Variants in CNTLN observed in about 807,000 individuals in gnomAD.
CNTLN encodes the protein centlein, also known as centlein, centrosomal protein.
In CNTLN, 212 loss-of-function variants were observed where a neutral mutation model predicts 180.0. The ratio of observed to expected loss-of-function variants is 1.18; its 90% CI spans 1.05 to 1.32. CNTLN has a LOEUF of 1.32. Ranked by LOEUF, CNTLN falls within the 40% of genes most tolerant of loss-of-function variation. The pLI is 0.00. For missense variants in CNTLN, 2,095 were observed against 1,610.9 expected, an observed-to-expected ratio of 1.30 and a Z score of -5.14; for synonymous variants, 722 against 563.1, an observed-to-expected ratio of 1.28 and a Z score of -3.99.
intron 8 of CNTLN, among the ~76,000 whole-genome samples, chr9:17,318,241 A>G (rs201212887): frequency 2.0e-4 from 31 of 151,856 alleles, no homozygotes; most frequent in African/African-American, 4.8e-4. Context: ...GTGTTAGCCA[A>G]GATGGTCTCG....
chr9:17,361,423 C>T (rs1297417768), intron 12 of CNTLN, among the ~76,000 whole-genome samples: 1 of 152,174 alleles, frequency 6.6e-6, no homozygotes, highest in Non-Finnish European at 1.5e-5. Context: ...TGACTGGTCG[C>T]AACTCAAATG....
At chr9:17,247,492 C>G (rs926610702) in intron 5 of CNTLN, among the ~76,000 whole-genome samples, 2 of 152,200 alleles carry the variant, frequency 1.3e-5, no homozygotes, top group African/African-American at 4.8e-5. Context: ...CACCATGCAG[C>G]TACTGTTGGG....
the CNTLN span, among the ~76,000 whole-genome samples, chr9:17,513,938 G>C: frequency 6.6e-6 from 1 of 152,130 alleles, no homozygotes; most frequent in African/African-American, 2.4e-5. Flanking sequence ...AATTGTGAAA[G>C]AATAGGTACA....
chr9:17,462,927 T>G lies in CNTLN; in HGVS notation c.3318T>G (p.Asn1106Lys). ...TATTTTTAATCTAGAATGCTACTAATGAACTCACTAAACAGTCATCAAATG... is the reference window on the plus strand; with the variant it reads ...TATTTTTAATCTAGAATGCTACTAAGGAACTCACTAAACAGTCATCAAATG... ...QLQYKLKNAT[N>K]ELTKQSSNVK... The change falls in exon 20 of 26, where the codon AAT (asparagine) becomes AAG (lysine). Residue 1106 changes from asparagine to lysine, a missense_variant. Physicochemically the swap from Asn to Lys is moderately conservative, Grantham distance 94. Coordinates refer to ENST00000380647, the MANE Select transcript of CNTLN (RefSeq NM_017738.4). The G allele has an allele frequency of 6.5e-7, 1 of 1,547,880 alleles. No homozygotes were observed. Among genetic ancestry groups the G allele is most frequent in the South Asian group, 1.2e-5 (1 of 81,700 alleles).
chr9:17,506,838 TA>T (rs569823301), downstream of CNTLN, among the ~76,000 whole-genome samples: 17 of 152,226 alleles, frequency 1.1e-4, no homozygotes, highest in East Asian at 3.1e-3. Flanking sequence ...TTTTTCCTCT[TA>T]AAAAATTTTT....
At chr9:17,335,944 A>G (rs1820998396) in intron 10 of CNTLN, among the ~76,000 whole-genome samples, 1 of 151,752 alleles carries the variant, frequency 6.6e-6, no homozygotes, top group African/African-American at 2.4e-5. Context: ...AAACAAAAAC[A>G]AAGTTAGAGC....
chr9:17,512,549 C>A, the CNTLN span, among the ~76,000 whole-genome samples: 1 of 152,120 alleles, frequency 6.6e-6, no homozygotes, highest in Non-Finnish European at 1.5e-5. Flanking sequence ...GAGAAACTAC[C>A]TGTTGCATAC....
chr9:17,340,463 AT>A (rs1821389771), intron 10 of CNTLN, among the ~76,000 whole-genome samples: 1 of 152,216 alleles, frequency 6.6e-6, no homozygotes, highest in South Asian at 2.1e-4. Context: ...CTTTAATAAA[AT>A]AATCATGGTT....
chr9:17,266,520 T>G (rs1268956059), intron 5 of CNTLN, among the ~76,000 whole-genome samples: 3 of 152,260 alleles, frequency 2.0e-5, no homozygotes, highest in Admixed American at 2.0e-4. Flanking sequence ...TTCTGTTGAT[T>G]TGGGGTGGAG....
At chr9:17,159,774 G>C (rs1819549650) in intron 2 of CNTLN, among the ~76,000 whole-genome samples, 1 of 152,136 alleles carries the variant, frequency 6.6e-6, no homozygotes, top group Admixed American at 6.5e-5. Context: ...AGTGGTTTTG[G>C]TTTAGATACC....
At chr9:17,299,489 T>G in intron 7 of CNTLN, 1 of 983,718 alleles carries the variant, frequency 1.0e-6, no homozygotes, top group Non-Finnish European at 1.2e-6. Context: ...ATGTCTATAA[T>G]TAACATGAAA....
intron 25 of CNTLN, among the ~76,000 whole-genome samples, chr9:17,494,361 A>T (rs7860918): frequency 0.05 from 7,588 of 151,646 alleles, 465 homozygotes; most frequent in African/African-American, 0.15. Context: ...GAAGCTGAAA[A>T]TTTTTTTTTA....
chr9:17,314,014 G>A (rs544280453), intron 8 of CNTLN, among the ~76,000 whole-genome samples: 16 of 152,170 alleles, frequency 1.1e-4, no homozygotes, highest in African/African-American at 7.2e-5. Flanking sequence ...GATTACAGGC[G>A]TGAGCCACTG....
intron 6 of CNTLN, among the ~76,000 whole-genome samples, chr9:17,276,930 G>A (rs1828348687): frequency 1.3e-5 from 2 of 151,976 alleles, no homozygotes; most frequent in African/African-American, 4.8e-5. Flanking sequence ...CACAGATATG[G>A]AAGTCCAACT....
chr9:17,215,072 C>T, intron 2 of CNTLN, among the ~76,000 whole-genome samples: 2 of 152,236 alleles, frequency 1.3e-5, no homozygotes, highest in African/African-American at 4.8e-5. Flanking sequence ...GATTCTCCAT[C>T]CAGCTTTGTT....
intron 6 of CNTLN, among the ~76,000 whole-genome samples, chr9:17,282,566 T>C (rs967430648): frequency 1.3e-4 from 20 of 152,162 alleles, no homozygotes; most frequent in Non-Finnish European, 2.2e-4. Flanking sequence ...GTTTCTTTTG[T>C]TGTGCAGAAG....
the CNTLN span, among the ~76,000 whole-genome samples, chr9:17,509,624 T>C: frequency 1.3e-5 from 2 of 152,232 alleles, no homozygotes; most frequent in South Asian, 2.1e-4. Flanking sequence ...TTGCAAGGTA[T>C]GGCAAAGTTC....
chr9:17,277,652 A>G (rs1828395649), intron 6 of CNTLN, among the ~76,000 whole-genome samples: 1 of 152,150 alleles, frequency 6.6e-6, no homozygotes, highest in Non-Finnish European at 1.5e-5. Flanking sequence ...TAATTTATAT[A>G]TAGTTTAAAC....
intron 2 of CNTLN, among the ~76,000 whole-genome samples, chr9:17,164,639 G>T (rs925457572): frequency 2.0e-5 from 3 of 150,414 alleles, no homozygotes; most frequent in Non-Finnish European, 4.4e-5. Context: ...TAGAGACAGG[G>T]TTTCACTATG....
Sources: allele counts gnomAD v4.1 joint callset (sites outside exome capture counted in the v4.1 genomes callset), GRCh38; gene constraint gnomAD v4.1.1; transcripts MANE v1.5; gene names NCBI Gene and HGNC (gene_info 2026-07-23, HGNC 2026-07-21).